The following HEPH variants were observed in gnomAD, a reference collection of about 807,000 sequenced individuals.
The protein encoded by HEPH is hephaestin.
Under a neutral mutation model 80.8 loss-of-function variants are expected in HEPH, and 69 were observed. That is an observed-to-expected ratio of 0.85 (90% confidence interval 0.70 to 1.04). HEPH has a LOEUF of 1.04. Among genes scored for constraint, HEPH ranks in the 50% least tolerant of loss-of-function variants. HEPH has a pLI of 0.00. For synonymous variants in HEPH, 431 were observed against 322.8 expected (o/e 1.34, Z -3.60); for missense variants, 1,115 against 891.3 (o/e 1.25, Z -3.20).
chrX:66,227,986 A>G (rs1453712291), intron 15 of HEPH, among the ~76,000 whole-genome samples: 5 of 111,339 alleles, frequency 4.5e-5, no homozygotes, highest in Non-Finnish European at 7.5e-5. Context: ...ATGAAACTGA[A>G]TCCTCACCTC....
chrX:66,222,946 G>T (rs1376574078), intron 15 of HEPH, among the ~76,000 whole-genome samples: 1 of 111,814 alleles, frequency 8.9e-6, no homozygotes, highest in Non-Finnish European at 1.9e-5. Flanking sequence ...ATTTTTCTTA[G>T]CTTTAGTTTG....
chrX:66,219,872 G>A (rs924039315), intron 15 of HEPH, among the ~76,000 whole-genome samples: 4 of 111,166 alleles, frequency 3.6e-5, no homozygotes, highest in South Asian at 3.9e-4. Flanking sequence ...GTCCAGTCCC[G>A]GTGGGACTCT....
chrX:66,215,779 T>A (rs1446567957), intron 15 of HEPH, among the ~76,000 whole-genome samples: 1 of 111,283 alleles, frequency 9.0e-6, no homozygotes, highest in East Asian at 2.8e-4. Flanking sequence ...GCAAGCTCCA[T>A]GGGACAGCCA....
chrX:66,210,219 C>T (rs959516232), intron 15 of HEPH, among the ~76,000 whole-genome samples: 6 of 111,905 alleles, frequency 5.4e-5, no homozygotes, highest in Non-Finnish European at 9.4e-5. Flanking sequence ...GCTTCAGCTG[C>T]TCCAAAGAGT....
In HEPH at chrX:66,258,779, C is replaced by CAA; in HGVS notation, c.2897-59_2897-58dup. Reference sequence around the variant, plus strand: ...CCTAGGATAGTGGAAATGGGAAGTCCAAAGGAGAGATGTAAGAAGCTTTTT... The same window carrying CAA: ...CCTAGGATAGTGGAAATGGGAAGTCCAAAAAGGAGAGATGTAAGAAGCTTTTT... On this transcript the variant is annotated intron_variant, in intron 17 of 20. Transcript: ENST00000343002. The CAA allele has an allele frequency of 3.0e-6, 3 of 990,829 alleles. No individual in the cohort carries two copies. In the South Asian group the frequency reaches 7.7e-5, roughly 26 times the overall value. The allele number at this position is 990,829 out of a possible 1,213,427, so 81.7% of individuals were successfully genotyped here. A position where few individuals can be genotyped will look rare whatever the true frequency, so the allele number is the denominator to read the frequency against.
At chrX:66,186,125 T>C (rs2087413307) in intron 4 of HEPH, among the ~76,000 whole-genome samples, 1 of 68,753 alleles carries the variant, frequency 1.5e-5, no homozygotes, top group Non-Finnish European at 2.7e-5. Flanking sequence ...ACAGGGACAC[T>C]TAAGTCTGCA....
chrX:66,174,720 A>G (rs1403565831), intron 4 of HEPH, among the ~76,000 whole-genome samples: 1 of 111,473 alleles, frequency 9.0e-6, no homozygotes, highest in Non-Finnish European at 1.9e-5. Flanking sequence ...TTGCAAGAGT[A>G]AGGTAGTAGC....
chrX:66,232,378 G>A (rs769519165), intron 15 of HEPH, among the ~76,000 whole-genome samples: 23 of 111,644 alleles, frequency 2.1e-4, no homozygotes, highest in African/African-American at 6.8e-4. Flanking sequence ...TACTGCAGAA[G>A]GCATACAGCT....
At chrX:66,214,837 TTC>T (rs775459125) in intron 15 of HEPH, among the ~76,000 whole-genome samples, 19 of 111,680 alleles carry the variant, frequency 1.7e-4, no homozygotes, top group African/African-American at 5.5e-4. Context: ...CTCCAATCTA[TTC>T]TGTTATATTT....
chrX:66,170,537 T>A (rs1434488789), intron 1 of HEPH, 21 bp from the exon 2 acceptor site: 3 of 1,193,687 alleles, frequency 2.5e-6, no homozygotes, highest in Admixed American at 4.4e-5. Flanking sequence ...CACCAGCAGT[T>A]TTTATTTGCC....
intron 1 of HEPH, among the ~76,000 whole-genome samples, chrX:66,167,477 G>C (rs757180989): frequency 1.5e-4 from 17 of 112,164 alleles, no homozygotes; most frequent in Non-Finnish European, 3.0e-4. Context: ...ACAGTTTTCT[G>C]TCTAGGTAAA....
At chrX:66,249,630 A>G (rs1184879422) in intron 15 of HEPH, among the ~76,000 whole-genome samples, 4 of 111,880 alleles carry the variant, frequency 3.6e-5, no homozygotes, top group Non-Finnish European at 7.5e-5. Flanking sequence ...TGTTCAGCAC[A>G]TCACAGTCTA....
At chrX:66,234,849 A>G (rs1210896230) in intron 15 of HEPH, among the ~76,000 whole-genome samples, 2 of 109,979 alleles carry the variant, frequency 1.8e-5, no homozygotes, top group Non-Finnish European at 3.8e-5. Flanking sequence ...GGGTTTCACC[A>G]TGTTGGGCAG....
At position 66,263,875 on chromosome X, in the gene HEPH, T is replaced by G. The variant is rs140412229; in HGVS notation, c.3244+187T>G. On this transcript the variant is annotated intron_variant, in intron 20 of 20. Coordinates refer to ENST00000343002, the MANE Select transcript of HEPH (RefSeq NM_001367233.3). ...AAGGTTTAGCTTCCCTCAGCAGGTT[T>G]ATTCTCTCTGGCTTCCACCTCAAAC... is the stretch of plus-strand genomic sequence containing the variant. Among the ~76,000 whole-genome samples the G allele has an allele frequency of 1.1e-3, 126 of 111,017 alleles. 1 individual carries two copies. The East Asian group carries it at 0.034, about 30-fold the overall frequency.
chrX:66,263,444 GC>G (rs1432447368), intron 19 of HEPH, among the ~76,000 whole-genome samples, 199 bp from the exon 20 acceptor site: 2 of 111,785 alleles, frequency 1.8e-5, no homozygotes, highest in Non-Finnish European at 3.8e-5. Context: ...CTGTTCTCTT[GC>G]CCATATTTCA....
chrX:66,195,654 C>T (rs965297629), intron 9 of HEPH, among the ~76,000 whole-genome samples: 1 of 110,970 alleles, frequency 9.0e-6, no homozygotes, highest in African/African-American at 3.3e-5. Context: ...TTTTTCTATG[C>T]CATTAAAATG....
chrX:66,239,746 CTT>C (rs1328479758), intron 15 of HEPH, among the ~76,000 whole-genome samples: 1 of 111,853 alleles, frequency 8.9e-6, no homozygotes. Flanking sequence ...TAAATTAAAA[CTT>C]TATATTTAGT....
intron 15 of HEPH, among the ~76,000 whole-genome samples, chrX:66,223,981 T>C (rs778790525): frequency 9.0e-6 from 1 of 111,679 alleles, no homozygotes; most frequent in Admixed American, 9.5e-5. Context: ...CTTTCTGACT[T>C]ATTACAAACA....
intron 16 of HEPH, 42 bp from the exon 17 acceptor site, chrX:66,256,063 A>G (rs2091169032): frequency 9.3e-7 from 1 of 1,072,655 alleles, no homozygotes; most frequent in Non-Finnish European, 1.3e-6. Flanking sequence ...CCCAGAAACA[A>G]CTCCATCTCT....
Sources: allele counts gnomAD v4.1 joint callset (sites outside exome capture counted in the v4.1 genomes callset), GRCh38; gene constraint gnomAD v4.1.1; transcripts MANE v1.5; gene names NCBI Gene and HGNC (gene_info 2026-07-23, HGNC 2026-07-21).